The following CDH10 variants were observed in gnomAD, a reference collection of about 807,000 sequenced individuals.
CDH10 encodes cadherin-10.
A neutral mutation model predicts 73.1 loss-of-function variants in CDH10; 30 were observed. The observed-to-expected ratio is 0.41, with a 90% CI of 0.31 to 0.56. The LOEUF is 0.56. Among genes scored for constraint, CDH10 ranks in the 20% least tolerant of loss-of-function variants. The pLI is 0.27. For missense variants in CDH10, 815 were observed against 973.7 expected (o/e 0.84, Z 2.17); for synonymous variants, 345 against 348.2 (o/e 0.99, Z 0.10).
rs1180211713 is a variant in CDH10, at chr5:24,505,254, C to T, written c.1257-6G>A. On this transcript the variant is annotated splice_region_variant and splice_polypyrimidine_tract_variant and intron_variant, in intron 7 of 11. Coordinates refer to ENST00000264463, the MANE Select transcript of CDH10 (RefSeq NM_006727.5). Reference sequence around the variant, plus strand: ...TATGGCGATCCAAGGAAAATCTGAACATGGAGGGCAAGAAAAAATACATGG... The same window carrying T: ...TATGGCGATCCAAGGAAAATCTGAATATGGAGGGCAAGAAAAAATACATGG... The T allele has an allele frequency of 6.2e-7, 1 of 1,611,502 alleles. No individual in the cohort carries two copies. The highest frequency in any genetic ancestry group is 8.5e-7 in the Non-Finnish European group (1 of 1,178,412).
chr5:24,509,757 T>C lies in CDH10; in HGVS notation c.1065A>G (p.Val355=), dbSNP rs907752962. Residue 355 remains valine, a synonymous_variant, in exon 7 of 12, where the codon GTA becomes GTG. Transcript: ENST00000264463. ...GTCCTAGGTAATAAAAACGGGGATC[T>C]ACATGGGTGTTTTCTGCTTCGACTT... The part of the protein sequence containing the change: ...TLKVEAENTH[V]DPRFYYLGPF... 3 of 1,611,720 alleles carry C rather than the reference T, an allele frequency of 1.9e-6. No individual in the cohort carries two copies. The African/African-American group carries it at 4.0e-5, about 22-fold the overall frequency.
chr5:24,566,441 A>G (rs926665242), intron 2 of CDH10, among the ~76,000 whole-genome samples: 2 of 152,196 alleles, frequency 1.3e-5, no homozygotes, highest in African/African-American at 4.8e-5. Flanking sequence ...GGAGAATAAA[A>G]CACAGTTGGT....
intron 5 of CDH10, among the ~76,000 whole-genome samples, chr5:24,520,267 C>G (rs1339410419): frequency 6.6e-6 from 1 of 152,070 alleles, no homozygotes; most frequent in Non-Finnish European, 1.5e-5. Context: ...ATTGTATAAT[C>G]ACACATCTCA....
chr5:24,512,758 A>G (rs962677), intron 5 of CDH10, among the ~76,000 whole-genome samples: 151,278 of 152,248 alleles, frequency 0.99, 75,166 homozygotes, highest in Middle Eastern at 1. Flanking sequence ...TGGATTAATC[A>G]ACCTCAAGTA....
chr5:24,594,781 C>T (rs1263359709), intron 1 of CDH10, among the ~76,000 whole-genome samples: 2 of 151,910 alleles, frequency 1.3e-5, no homozygotes, highest in Non-Finnish European at 2.9e-5. Context: ...CAGTATACTC[C>T]ATGTATTTTA....
intron 5 of CDH10, among the ~76,000 whole-genome samples, chr5:24,512,042 C>G (rs1742934231): frequency 6.6e-6 from 1 of 152,112 alleles, no homozygotes; most frequent in African/African-American, 2.4e-5. Context: ...GGGTACCAGG[C>G]CTATTACCTG....
chr5:24,583,555 A>C (rs533488504), intron 2 of CDH10, among the ~76,000 whole-genome samples: 1 of 152,334 alleles, frequency 6.6e-6, no homozygotes, highest in African/African-American at 2.4e-5. Flanking sequence ...AACTAGAAAA[A>C]AATCTGCTAA....
Position 24,506,160 on chromosome 5 carries a change from G to A in CDH10, c.1257-912C>T, listed in dbSNP as rs116452766. On this transcript the variant is annotated intron_variant, in intron 7 of 11. Transcript: ENST00000264463. ...AGAAAAGAAAAGTAGTTTGGGATAA[G>A]AGTTTTTAATATATCTGTGTTTTTA... is the stretch of plus-strand genomic sequence containing the variant. Among the ~76,000 whole-genome samples, 1,244 of 150,664 alleles carry A rather than the reference G, an allele frequency of 8.3e-3. 18 individuals are homozygous for A. Among genetic ancestry groups the A allele is most frequent in the African/African-American group, 0.027 (1,101 of 41,084 alleles).
rs766560751 is a variant in CDH10, at chr5:24,578,660, C to G, written c.231+14600G>C. 3.9e-4 allele frequency: 60 copies of G among 154,044 alleles called. 1 individual carries two copies. Among genetic ancestry groups the G allele is most frequent in the Non-Finnish European group, 8.1e-4 (56 of 69,040 alleles). The allele number at this position is 154,044 out of a possible 1,614,324, so 9.5% of individuals were successfully genotyped here. A position where few individuals can be genotyped will look rare whatever the true frequency, so the allele number is the denominator to read the frequency against. ...AGAAACAAGGAGAATTCAAGTATCT[C>G]TATAACCATTGAAGAAAACAAATCA... On this transcript the variant is annotated intron_variant, in intron 2 of 11. Transcript: ENST00000264463.
intron 2 of CDH10, among the ~76,000 whole-genome samples, chr5:24,571,401 GAA>G (rs771462809): frequency 4.6e-5 from 7 of 152,176 alleles, no homozygotes; most frequent in Non-Finnish European, 1.0e-4. Context: ...TCAACAGTAA[GAA>G]AATGCCTCAG....
At chr5:24,522,838 G>C (rs1402041859) in intron 5 of CDH10, among the ~76,000 whole-genome samples, 2 of 152,026 alleles carry the variant, frequency 1.3e-5, no homozygotes, top group African/African-American at 4.8e-5. Flanking sequence ...ATAAATTTTA[G>C]CACATGAGAC....
intron 1 of CDH10, among the ~76,000 whole-genome samples, chr5:24,606,448 T>A (rs1426311854): frequency 6.6e-6 from 1 of 152,022 alleles, no homozygotes; most frequent in Non-Finnish European, 1.5e-5. Context: ...TTGTCTCTAC[T>A]AAAAATACAA....
chr5:24,587,446 G>T (rs1214846698), intron 2 of CDH10, among the ~76,000 whole-genome samples: 1 of 151,992 alleles, frequency 6.6e-6, no homozygotes, highest in Non-Finnish European at 1.5e-5. Flanking sequence ...AGAGAGCTCT[G>T]GTAGATATTC....
intron 5 of CDH10, among the ~76,000 whole-genome samples, chr5:24,522,454 G>A (rs1743371212): frequency 6.6e-6 from 1 of 151,724 alleles, no homozygotes; most frequent in South Asian, 2.1e-4. Context: ...AGGAATGCAT[G>A]AGATCCAGAA....
At chr5:24,536,900 A>G (rs753961667) in intron 3 of CDH10, among the ~76,000 whole-genome samples, 1 of 151,898 alleles carries the variant, frequency 6.6e-6, no homozygotes, top group Non-Finnish European at 1.5e-5. Context: ...GGATTTTTTT[A>G]TGATGTTTAA....
chr5:24,617,866 T>C (rs1747176369), intron 1 of CDH10, among the ~76,000 whole-genome samples: 1 of 152,146 alleles, frequency 6.6e-6, no homozygotes, highest in South Asian at 2.1e-4. Context: ...GTAAACCCAA[T>C]TGGTCATCTT....
At chr5:24,622,240 T>C (rs1747341996) in intron 1 of CDH10, among the ~76,000 whole-genome samples, 1 of 59,266 alleles carries the variant, frequency 1.7e-5, no homozygotes, top group South Asian at 9.7e-4. Flanking sequence ...TGACAAAACA[T>C]ATTAATTTGA....
rs574281697 is a variant in CDH10, at chr5:24,587,870, T to C, written c.231+5390A>G. 3.4e-3 allele frequency among the ~76,000 whole-genome samples: 519 copies of C among 152,302 alleles called. 1 individual carries two copies. The highest frequency in any genetic ancestry group is 0.012 in the African/African-American group (490 of 41,566). ...AAAATGATATAGTGAGATTTGAAGA[T>C]GTATTTTCCCTACATAACTGCTAGC... On this transcript the variant is annotated intron_variant, in intron 2 of 11. Transcript: ENST00000264463.
chr5:24,642,299 A>AG (rs1392693673), intron 1 of CDH10, among the ~76,000 whole-genome samples: 1 of 152,176 alleles, frequency 6.6e-6, no homozygotes, highest in Non-Finnish European at 1.5e-5. Context: ...TAAGAGACAT[A>AG]GGAAATCAGT....
Sources: gnomAD v4.1 joint callset for allele counts (sites outside exome capture counted in the v4.1 genomes callset) on GRCh38, gnomAD v4.1.1 for gene constraint, MANE v1.5 for transcripts, NCBI Gene and HGNC (gene_info 2026-07-23, HGNC 2026-07-21) for gene names.